RBM26: variants seen among roughly 807,000 people sequenced by gnomAD.
RBM26 encodes RNA binding motif protein 26, also known as RNA-binding protein 26.
In RBM26, 30 loss-of-function variants were observed where a neutral mutation model predicts 123.6. The observed-to-expected ratio is 0.24, with a 90% CI of 0.18 to 0.33. RBM26 has a LOEUF of 0.33. RBM26 is among the 10% of genes least tolerant of loss of function. The pLI, the probability that RBM26 is intolerant of heterozygous loss-of-function variation, is 1.00. For synonymous variants in RBM26, 400 were observed against 404.4 expected, an observed-to-expected ratio of 0.99 and a Z score of 0.13; for missense variants, 947 against 1,203.6, an observed-to-expected ratio of 0.79 and a Z score of 3.15.
chr13:79,369,073 T>C, intron 5 of RBM26, 83 bp from the exon 6 acceptor site: 1 of 894,038 alleles, frequency 1.1e-6, no homozygotes. Context: ...GTGATATTTT[T>C]ATAAACATAG....
At chr13:79,346,056 T>C (rs1240903703) in intron 14 of RBM26, among the ~76,000 whole-genome samples, 2 of 152,168 alleles carry the variant, frequency 1.3e-5, no homozygotes, top group Non-Finnish European at 2.9e-5. Flanking sequence ...AGTCATTGTT[T>C]CTAAAGGAGT....
At chr13:79,356,861 C>G (rs1380325045) in intron 11 of RBM26, among the ~76,000 whole-genome samples, 4 of 152,070 alleles carry the variant, frequency 2.6e-5, no homozygotes, top group Non-Finnish European at 5.9e-5. Context: ...TTTTGCCCCT[C>G]AGCTTTAAAA....
At chr13:79,338,099 C>T (rs1362313018) in intron 18 of RBM26, among the ~76,000 whole-genome samples, 1 of 152,126 alleles carries the variant, frequency 6.6e-6, no homozygotes, top group Non-Finnish European at 1.5e-5. Flanking sequence ...GTAGTCCCAG[C>T]TACTCGGGAG....
rs967641489 is a variant in RBM26, at chr13:79,366,508, G to C, written c.1135+125C>G. On this transcript the variant is annotated intron_variant, in intron 7 of 21. Transcript: ENST00000438737. ...GGTGTATTCCAAATGGAAGTATACT[G>C]CTATTAATTTCTATCAGGCATTTTT... The C allele has an allele frequency of 7.5e-5, 73 of 974,514 alleles. No individual in the cohort carries two copies. The South Asian group carries it at 1.3e-3, about 17-fold the overall frequency. 60.4% of individuals were successfully genotyped at this position (974,514 alleles called of 1,614,324 possible). A position where few individuals can be genotyped will look rare whatever the true frequency, so the allele number is the denominator to read the frequency against.
intron 3 of RBM26, among the ~76,000 whole-genome samples, chr13:79,373,465 TATGTA>T (rs1566508149): frequency 5.1e-3 from 6 of 1,178 alleles, no homozygotes; most frequent in African/African-American, 0.011. Flanking sequence ...ATATATATAA[TATGTA>T]TAAATATACA....
At chr13:79,336,338 T>C (rs1347027068) in intron 19 of RBM26, among the ~76,000 whole-genome samples, 1 of 152,202 alleles carries the variant, frequency 6.6e-6, no homozygotes, top group Non-Finnish European at 1.5e-5. Flanking sequence ...GTTTATTCTG[T>C]GTTAAACTGA....
intron 1 of RBM26, among the ~76,000 whole-genome samples, chr13:79,382,303 A>G (rs1244946174): frequency 6.6e-6 from 1 of 152,170 alleles, no homozygotes; most frequent in Non-Finnish European, 1.5e-5. Flanking sequence ...GCCACTGCTG[A>G]TAAAAGGTTT....
intron 20 of RBM26, among the ~76,000 whole-genome samples, chr13:79,324,267 C>G (rs2068063008): frequency 6.6e-6 from 1 of 151,778 alleles, no homozygotes; most frequent in South Asian, 2.1e-4. Context: ...TAGTTTATAA[C>G]TTCATGGTTA....
At position 79,337,163 on chromosome 13, in the gene RBM26, C is replaced by A; in HGVS notation, c.2672G>T (p.Arg891Met). Residue 891 changes from arginine to methionine, a missense_variant, in exon 19 of 22, where the codon AGG becomes ATG. Arg to Met is a moderately conservative substitution (Grantham distance 91). This residue lies in a region of RBM26 where 164 missense variants were observed against 215.3 expected (regional missense o/e 0.76). Transcript: ENST00000438737. ...PGHAVVDHRP[R>M]ALEISAFTES... ...CGTAAATGCAGAAATCTCCAATGCC[C>A]TGGGACGGTGATCCACCACAGCATG... The A allele has an allele frequency of 6.2e-7, 1 of 1,614,114 alleles. No individual in the cohort carries two copies. The highest frequency in any genetic ancestry group is 8.5e-7 in the Non-Finnish European group (1 of 1,180,014).
Position 79,319,362 on chromosome 13 carries a change from C to T in RBM26, c.*1259G>A. ...AATATAAATATGTAATCTCCCACCC[C>T]CATTCTACAAAGAATGCATTTATTT... is the stretch of plus-strand genomic sequence containing the variant. On this transcript the variant is annotated 3_prime_UTR_variant, in exon 22 of 22. Coordinates refer to ENST00000438737, the MANE Select transcript of RBM26 (RefSeq NM_001366735.2). The T allele has an allele frequency of 1.0e-6, 1 of 983,382 alleles. No individual in the cohort carries two copies. Among genetic ancestry groups the T allele is most frequent in the Non-Finnish European group, 1.2e-6 (1 of 828,340 alleles). 60.9% of individuals were successfully genotyped at this position (983,382 alleles called of 1,614,324 possible).
In RBM26 at chr13:79,320,006, TTA is replaced by T; in HGVS notation, c.*613_*614del. The T allele has an allele frequency of 1.1e-6, 1 of 939,648 alleles. No individual in the cohort carries two copies. The highest frequency in any genetic ancestry group is 1.3e-6 in the Non-Finnish European group (1 of 790,930). The allele number at this position is 939,648 out of a possible 1,614,324, so 58.2% of individuals were successfully genotyped here. Reference sequence around the variant, plus strand: ...TTCTCTTTTCTTTCCTTTTTTTTTTTTAAAGAGACCATTCCACTTTATTATAA... The same window carrying T: ...TTCTCTTTTCTTTCCTTTTTTTTTTTAAGAGACCATTCCACTTTATTATAA... On this transcript the variant is annotated 3_prime_UTR_variant, in exon 22 of 22. Transcript: ENST00000438737.
chr13:79,360,267 C>G (rs114103355), intron 9 of RBM26, among the ~76,000 whole-genome samples: 2 of 151,934 alleles, frequency 1.3e-5, no homozygotes, highest in African/African-American at 2.4e-5. Flanking sequence ...GTTTTACACA[C>G]GAGGAGTCTT....
chr13:79,405,765 T>C lies in RBM26; in HGVS notation c.10A>G (p.Lys4Glu), dbSNP rs775307886. Reference protein sequence around the residue: MVSKMIIENFEALK... With the variant: MVSEMIIENFEALK... ...GCCTCGAAGTTTTCAATGATCATTTTAGAAACCATCCACAGCGGCCCTAAG... is the reference window on the plus strand; with the variant it reads ...GCCTCGAAGTTTTCAATGATCATTTCAGAAACCATCCACAGCGGCCCTAAG... Residue 4 changes from lysine (K) to glutamate (E), a missense_variant, in exon 1 of 22, where the codon AAA becomes GAA. Physicochemically the swap from Lys to Glu is moderately conservative, Grantham distance 56 (BLOSUM62 1). Transcript: ENST00000438737. 6.3e-7 allele frequency: 1 copy of C among 1,594,586 alleles called. No individual in the cohort carries two copies. The highest frequency in any genetic ancestry group is 1.7e-5 in the Admixed American group (1 of 57,864).
At chr13:79,351,670 A>G (rs1350075125) in intron 14 of RBM26, among the ~76,000 whole-genome samples, 1 of 152,174 alleles carries the variant, frequency 6.6e-6, no homozygotes, top group Non-Finnish European at 1.5e-5. Flanking sequence ...AAAAGTCAGG[A>G]AAGGCCAAAG....
At chr13:79,317,305 G>A (rs760638281), downstream of RBM26, among the ~76,000 whole-genome samples, 5 of 151,572 alleles carry the variant, frequency 3.3e-5, no homozygotes, top group Admixed American at 1.3e-4. Flanking sequence ...AAACAACAAC[G>A]ATAACAGGGA....
At chr13:79,398,967 G>A (rs2078830620) in intron 1 of RBM26, among the ~76,000 whole-genome samples, 1 of 152,174 alleles carries the variant, frequency 6.6e-6, no homozygotes, top group African/African-American at 2.4e-5. Flanking sequence ...TGTATATAAT[G>A]AACAGGAACA....
At chr13:79,392,127 A>G (rs13379002) in intron 1 of RBM26, among the ~76,000 whole-genome samples, 6 of 55,254 alleles carry the variant, frequency 1.1e-4, no homozygotes, top group Non-Finnish European at 1.9e-4. Context: ...ATATAATTAT[A>G]TATTATACAA....
intron 1 of RBM26, among the ~76,000 whole-genome samples, chr13:79,396,527 T>C (rs1466754048): frequency 1.3e-5 from 2 of 152,122 alleles, no homozygotes; most frequent in African/African-American, 4.8e-5. Context: ...ATATCATAAA[T>C]TGTCAAGAGT....
In RBM26 at chr13:79,337,172, T is replaced by C. The variant is rs1031952341; in HGVS notation, c.2663A>G (p.His888Arg). Residue 888 changes from histidine (H) to arginine (R), a missense_variant, in exon 19 of 22, where the codon CAC (histidine) becomes CGC (arginine). This residue lies in a region of RBM26 where 164 missense variants were observed against 215.3 expected (regional missense o/e 0.76). Transcript: ENST00000438737. ...RGVPGHAVVD[H>R]RPRALEISAF... ...AGAAATCTCCAATGCCCTGGGACGG[T>C]GATCCACCACAGCATGACCAGGCAC... 5 of 1,614,132 alleles carry C rather than the reference T, an allele frequency of 3.1e-6. No individual in the cohort carries two copies. Among genetic ancestry groups the C allele is most frequent in the Non-Finnish European group, 3.4e-6 (4 of 1,180,026 alleles).
Sources: gnomAD v4.1 joint callset for allele counts (sites outside exome capture counted in the v4.1 genomes callset) on GRCh38, gnomAD v4.1.1 for gene constraint, gnomAD v4.1.1 regional missense constraint, MANE v1.5 for transcripts, NCBI Gene and HGNC (gene_info 2026-07-23, HGNC 2026-07-21) for gene names.